LRP1B: variants seen among roughly 807,000 people sequenced by gnomAD.
LRP1B encodes low-density lipoprotein receptor-related protein 1B.
A neutral mutation model predicts 556.6 loss-of-function variants in LRP1B; 217 were observed. That is an observed-to-expected ratio of 0.39 (90% CI 0.35 to 0.44). The LOEUF is 0.44. LRP1B is among the 20% of genes least tolerant of loss of function. The pLI is 1.00. For missense variants in LRP1B, 5,053 were observed against 5,620.8 expected (o/e 0.90, Z 3.23); for synonymous variants, 2,047 against 1,865.8 (o/e 1.10, Z -2.50).
chr2:141,346,660 C>T (rs775860830), intron 3 of LRP1B, among the ~76,000 whole-genome samples: 3 of 152,090 alleles, frequency 2.0e-5, no homozygotes, highest in Non-Finnish European at 4.4e-5. Context: ...AACTGAGGAG[C>T]AATTCAAACA....
chr2:141,651,401 C>T (rs757842348), intron 2 of LRP1B, among the ~76,000 whole-genome samples: 26 of 152,214 alleles, frequency 1.7e-4, no homozygotes, highest in African/African-American at 5.3e-4. Flanking sequence ...CGGTGGTTTA[C>T]GCCTGTAATC....
intron 83 of LRP1B, among the ~76,000 whole-genome samples, chr2:140,305,597 A>G (rs1354376177): frequency 2.6e-5 from 4 of 152,182 alleles, no homozygotes; most frequent in African/African-American, 7.2e-5. Context: ...GTTATCTGCA[A>G]ACAGGGACAA....
At position 141,544,325 on chromosome 2, in the gene LRP1B, C is replaced by CTTCTTCTT. The variant is rs1559130986; in HGVS notation, c.206-63800_206-63793dup. ...TCTTCTTCTTCTTCTTCTTCTTCTT[C>CTTCTTCTT]TTCTTCTTCTTCTTCTTCTTCTTCT... is the stretch of plus-strand genomic sequence containing the variant. On this transcript the variant is annotated intron_variant, in intron 2 of 90. Transcript: ENST00000389484. Among the ~76,000 whole-genome samples the CTTCTTCTT allele has an allele frequency of 4.0e-4, 22 of 55,620 alleles. 1 individual carries two copies. The South Asian group carries it at 7.6e-3, about 19-fold the overall frequency. The allele number at this position is 55,620 out of a possible 152,430, so 36.5% of individuals were successfully genotyped here.
chr2:141,879,552 G>T lies in LRP1B; in HGVS notation c.83-69151C>A, dbSNP rs1039101449. On this transcript the variant is annotated intron_variant, in intron 1 of 90. Transcript: ENST00000389484. ...AGTCACTTCTGCTCTTCTATCCAGG[G>T]TTTTTTTTTGTCACAGAAACTTTCA... is the stretch of plus-strand genomic sequence containing the variant. Among the ~76,000 whole-genome samples, 35 of 151,006 alleles carry T rather than the reference G, an allele frequency of 2.3e-4. 1 individual carries two copies. Among genetic ancestry groups the T allele is most frequent in the Admixed American group, 2.7e-4 (4 of 15,090 alleles).
intron 35 of LRP1B, among the ~76,000 whole-genome samples, chr2:140,766,330 C>T (rs1378842068): frequency 6.6e-6 from 1 of 151,982 alleles, no homozygotes; most frequent in African/African-American, 2.4e-5. Flanking sequence ...AGTAACAGAG[C>T]TTGTATATCA....
rs1697433555 is a variant in LRP1B at position 141,001,789 on chromosome 2, CGCACGCATATGCATGTGCATGT to C, written c.2503+3524_2503+3545del. Among the ~76,000 whole-genome samples the C allele has an allele frequency of 2.0e-5, 3 of 152,046 alleles. No individual in the cohort carries two copies. In the South Asian group the frequency reaches 6.2e-4, roughly 32 times the overall value. ...GCTACTCTGTGTGTGCGTGTGCGTGCGCACGCATATGCATGTGCATGTACTTTTCATCTTTTCAAAATGTCAG... is the reference window on the plus strand; with the variant it reads ...GCTACTCTGTGTGTGCGTGTGCGTGCACTTTTCATCTTTTCAAAATGTCAG... On this transcript the variant is annotated intron_variant, in intron 15 of 90. Transcript: ENST00000389484.
At chr2:140,328,790 A>G (rs1680634506) in intron 79 of LRP1B, among the ~76,000 whole-genome samples, 1 of 145,938 alleles carries the variant, frequency 6.9e-6, no homozygotes, top group Admixed American at 6.7e-5. Flanking sequence ...TTTCATACAC[A>G]CACACAAACA....
chr2:140,818,398 A>C (rs1691202041), intron 31 of LRP1B, among the ~76,000 whole-genome samples: 1 of 152,218 alleles, frequency 6.6e-6, no homozygotes, highest in African/African-American at 2.4e-5. Context: ...AATACCAATA[A>C]GTTACATCAC....
intron 2 of LRP1B, among the ~76,000 whole-genome samples, chr2:141,721,481 C>T (rs1399044651): frequency 1.3e-5 from 2 of 152,088 alleles, no homozygotes; most frequent in African/African-American, 2.4e-5. Context: ...TTGTACTCTA[C>T]ACAATATGTT....
At chr2:140,285,101 C>A (rs113523158) in intron 84 of LRP1B, among the ~76,000 whole-genome samples, 9,678 of 148,592 alleles carry the variant, frequency 0.065, 386 homozygotes, top group East Asian at 0.15. Context: ...ATCTCTCTCT[C>A]TATATATATA....
At chr2:141,859,978 GT>G (rs1698186606) in intron 1 of LRP1B, among the ~76,000 whole-genome samples, 1 of 152,030 alleles carries the variant, frequency 6.6e-6, no homozygotes, top group Non-Finnish European at 1.5e-5. Context: ...GCAGGCTTGT[GT>G]TTCCCATTTA....
At chr2:141,158,214 C>A (rs1702117220) in intron 7 of LRP1B, among the ~76,000 whole-genome samples, 1 of 152,020 alleles carries the variant, frequency 6.6e-6, no homozygotes, top group African/African-American at 2.4e-5. Flanking sequence ...ATGTATGTTT[C>A]TTTACCCCGC....
intron 55 of LRP1B, among the ~76,000 whole-genome samples, chr2:140,496,015 T>G (rs1688910783): frequency 6.6e-6 from 1 of 152,202 alleles, no homozygotes; most frequent in Non-Finnish European, 1.5e-5. Flanking sequence ...TGGTTAGAGA[T>G]TGGCAAGGCA....
intron 2 of LRP1B, among the ~76,000 whole-genome samples, chr2:141,663,693 G>A (rs1241363322): frequency 2.6e-5 from 4 of 151,990 alleles, no homozygotes; most frequent in Non-Finnish European, 4.4e-5. Flanking sequence ...GAGGCAGTAA[G>A]AAATAGCCTA....
At chr2:140,500,621 A>G (rs1444864884) in intron 55 of LRP1B, among the ~76,000 whole-genome samples, 1 of 151,972 alleles carries the variant, frequency 6.6e-6, no homozygotes, top group Non-Finnish European at 1.5e-5. Flanking sequence ...CTTTTAAGCA[A>G]CTCAGATTAA....
chr2:140,342,254 A>C (rs1300905299), intron 77 of LRP1B, among the ~76,000 whole-genome samples: 1 of 151,494 alleles, frequency 6.6e-6, no homozygotes, highest in Non-Finnish European at 1.5e-5. Context: ...TAGCAAAAAA[A>C]AAAAACTTTG....
At chr2:140,931,481 GA>G (rs36035792) in intron 20 of LRP1B, among the ~76,000 whole-genome samples, 173 of 148,650 alleles carry the variant, frequency 1.2e-3, no homozygotes, top group African/African-American at 3.2e-3. Flanking sequence ...AATGATAAGT[GA>G]AAAAAAAAAT....
At chr2:140,355,317 A>G (rs1682159197) in intron 75 of LRP1B, among the ~76,000 whole-genome samples, 1 of 151,876 alleles carries the variant, frequency 6.6e-6, no homozygotes, top group Admixed American at 6.6e-5. Context: ...AGAGCCTGGG[A>G]AAAATAAATA....
chr2:141,099,117 A>G (rs1232540800), intron 7 of LRP1B, among the ~76,000 whole-genome samples: 3 of 152,214 alleles, frequency 2.0e-5, no homozygotes, highest in Admixed American at 2.0e-4. Context: ...TTAATATTCT[A>G]AAACCCACTT....
Sources: gnomAD v4.1 joint callset for allele counts (sites outside exome capture counted in the v4.1 genomes callset) on GRCh38, gnomAD v4.1.1 for gene constraint, MANE v1.5 for transcripts, NCBI Gene and HGNC (gene_info 2026-07-23, HGNC 2026-07-21) for gene names.